The following ABCA5 variants were observed in gnomAD, a reference collection of about 807,000 sequenced individuals.
The protein encoded by ABCA5 is cholesterol transporter ABCA5.
A neutral mutation model predicts 206.0 loss-of-function variants in ABCA5; 163 were observed. The observed-to-expected ratio is 0.79, with a 90% confidence interval of 0.70 to 0.90. ABCA5 has a LOEUF of 0.90. Ranked by LOEUF, ABCA5 falls within the 40% of genes least tolerant of loss-of-function variation. ABCA5 has a pLI of 0.00. For synonymous variants in ABCA5, 609 were observed against 613.8 expected (o/e 0.99, Z 0.11); for missense variants, 1,859 against 1,912.9 (o/e 0.97, Z 0.53).
intron 10 of ABCA5, among the ~76,000 whole-genome samples, chr17:69,296,122 C>T (rs1186766385): frequency 6.6e-6 from 1 of 152,012 alleles, no homozygotes; most frequent in Non-Finnish European, 1.5e-5. Flanking sequence ...GGGATATAAA[C>T]CAGATGTCAT....
At chr17:69,251,070 T>C (rs898622731) in intron 35 of ABCA5, 1 of 153,402 alleles carries the variant, frequency 6.5e-6, no homozygotes, top group East Asian at 1.9e-4. Flanking sequence ...GTCCCTCAAT[T>C]TGGGTTAGTC....
At chr17:69,318,862 T>C in intron 1 of ABCA5, 2 of 704,274 alleles carry the variant, frequency 2.8e-6, no homozygotes, top group Non-Finnish European at 5.3e-6. Flanking sequence ...TTGTGATAGA[T>C]TAATGTGTGG....
intron 36 of ABCA5, 32 bp from the exon 37 acceptor site, chr17:69,250,016 TA>T: frequency 7.6e-7 from 1 of 1,309,314 alleles, no homozygotes; most frequent in Non-Finnish European, 1.0e-6. Flanking sequence ...GGAAAAAAAT[TA>T]AAAATTACTA....
chr17:69,315,036 A>G (rs1303865298), intron 1 of ABCA5: 1 of 152,294 alleles, frequency 6.6e-6, no homozygotes, highest in Non-Finnish European at 1.5e-5. Flanking sequence ...GTGTAACACA[A>G]TGGAGAAAAT....
intron 10 of ABCA5, among the ~76,000 whole-genome samples, chr17:69,296,748 T>C (rs1026332276): frequency 3.9e-5 from 6 of 152,176 alleles, no homozygotes; most frequent in Non-Finnish European, 5.9e-5. Flanking sequence ...GTGGATCACC[T>C]GAGGCTACGA....
At chr17:69,274,493 G>A (rs2063974058) in intron 19 of ABCA5, among the ~76,000 whole-genome samples, 1 of 151,804 alleles carries the variant, frequency 6.6e-6, no homozygotes, top group Non-Finnish European at 1.5e-5. Context: ...CAAAGTGCTG[G>A]GATTGCAGGT....
intron 8 of ABCA5, 90 bp downstream of exon 8, chr17:69,302,628 T>C: frequency 1.1e-6 from 1 of 884,592 alleles, no homozygotes; most frequent in Non-Finnish European, 1.5e-6. Flanking sequence ...ATTTTTTTGG[T>C]AAATCAAAGG....
chr17:69,296,896 T>C (rs929384743), intron 10 of ABCA5, among the ~76,000 whole-genome samples: 1 of 152,056 alleles, frequency 6.6e-6, no homozygotes, highest in African/African-American at 2.4e-5. Context: ...ATCTGGGAGG[T>C]GGAGGTTACA....
chr17:69,324,187 T>A (rs1034102171), intron 1 of ABCA5, among the ~76,000 whole-genome samples: 1 of 152,100 alleles, frequency 6.6e-6, no homozygotes, highest in African/African-American at 2.4e-5. Context: ...CATCCAACAT[T>A]ATGAGGCAAA....
At position 69,273,840 on chromosome 17, in the gene ABCA5, T is replaced by G. The variant is rs2075301071; in HGVS notation, c.2764+119A>C. ...GATACGTATTGAACTATAATTTAGA[T>G]TTCATGCAGACAGACCATGCCTTTA... On this transcript the variant is annotated intron_variant, in intron 20 of 38. Coordinates refer to ENST00000392676, the MANE Select transcript of ABCA5 (RefSeq NM_172232.4). The G allele has an allele frequency of 3.2e-6, 3 of 941,554 alleles. No individual in the cohort carries two copies. The African/African-American group carries it at 5.1e-5, about 16-fold the overall frequency. The allele number at this position is 941,554 out of a possible 1,614,324, so 58.3% of individuals were successfully genotyped here.
At chr17:69,259,863 T>C (rs2075126967) in intron 27 of ABCA5, 66 bp from the exon 28 acceptor site, 1 of 1,028,736 alleles carries the variant, frequency 9.7e-7, no homozygotes, top group Non-Finnish European at 1.4e-6. Context: ...GTTTTTTCCT[T>C]TGCCAACAGA....
intron 3 of ABCA5, among the ~76,000 whole-genome samples, chr17:69,312,490 A>C (rs566463672): frequency 4.6e-5 from 7 of 152,340 alleles, no homozygotes; most frequent in Admixed American, 3.3e-4. Flanking sequence ...TCTTCAGTTT[A>C]CACCATACAC....
At chr17:69,313,723 T>C (rs776208698) in intron 2 of ABCA5, among the ~76,000 whole-genome samples, 1 of 152,310 alleles carries the variant, frequency 6.6e-6, no homozygotes, top group Admixed American at 6.5e-5. Context: ...TACCTAAATG[T>C]ATACTACCAA....
At chr17:69,319,389 C>A (rs539358922) in intron 1 of ABCA5, among the ~76,000 whole-genome samples, 1 of 152,204 alleles carries the variant, frequency 6.6e-6, no homozygotes, top group South Asian at 2.1e-4. Flanking sequence ...TTTTTGAGAA[C>A]TGCTTCCTGA....
At chr17:69,313,442 A>T in intron 2 of ABCA5, 146 bp from the exon 3 acceptor site, 1 of 435,626 alleles carries the variant, frequency 2.3e-6, no homozygotes, top group East Asian at 3.7e-5. Flanking sequence ...ATTCTATCCC[A>T]AAAGAATTTT....
intron 5 of ABCA5, 28 bp downstream of exon 5, chr17:69,308,252 T>A (rs746733980): frequency 1.4e-6 from 2 of 1,404,654 alleles, no homozygotes; most frequent in Non-Finnish European, 2.0e-6. Context: ...TGGCATAGTT[T>A]TTGTATTTCT....
At chr17:69,316,839 C>G (rs1243210797) in intron 1 of ABCA5, 1 of 152,174 alleles carries the variant, frequency 6.6e-6, no homozygotes. Context: ...TCATAAGAAA[C>G]TGCGGAGAAA....
intron 14 of ABCA5, 99 bp downstream of exon 14, chr17:69,289,078 C>T (rs1376089763): frequency 1.7e-6 from 2 of 1,176,924 alleles, no homozygotes; most frequent in African/African-American, 1.6e-5. Context: ...ATTTTATGTA[C>T]ACTTAACCTT....
chr17:69,270,675 A>G lies in ABCA5; in HGVS notation c.2968T>C (p.Tyr990His). 6.2e-7 allele frequency: 1 copy of G among 1,603,444 alleles called. No homozygotes were observed. Among genetic ancestry groups the G allele is most frequent in the Non-Finnish European group, 8.5e-7 (1 of 1,175,792 alleles). Residue 990 changes from tyrosine to histidine, a missense_variant, in exon 22 of 39, where the codon TAC (tyrosine) becomes CAC (histidine). Physicochemically the swap from Tyr to His is moderately conservative, Grantham distance 83. Coordinates refer to ENST00000392676, the MANE Select transcript of ABCA5 (RefSeq NM_172232.4). ...LPILVNIISN[Y>H]YLYHLNVTET... ...GTCACATTTAAATGATAAAGATAGT[A>G]GTTACTAATGATATTCACTAATATA...
Sources: gnomAD v4.1 joint callset for allele counts (sites outside exome capture counted in the v4.1 genomes callset) on GRCh38, gnomAD v4.1.1 for gene constraint, MANE v1.5 for transcripts, NCBI Gene and HGNC (gene_info 2026-07-23, HGNC 2026-07-21) for gene names.